Variants in RASSF8 observed in about 807,000 individuals in gnomAD.
RASSF8 encodes ras association domain-containing protein 8.
In RASSF8, 22 loss-of-function variants were observed where a neutral mutation model predicts 48.5. That is an observed-to-expected ratio of 0.45 (90% CI 0.32 to 0.65). RASSF8 has a LOEUF of 0.65. Among genes scored for constraint, RASSF8 ranks in the 30% least tolerant of loss-of-function variants. The pLI, the probability that RASSF8 is intolerant of heterozygous loss-of-function variation, is 0.03. For missense variants in RASSF8, 418 were observed against 489.2 expected, an observed-to-expected ratio of 0.85 and a Z score of 1.37; for synonymous variants, 127 against 171.5, an observed-to-expected ratio of 0.74 and a Z score of 2.03.
Position 26,064,883 on chromosome 12 carries a change from A to T in RASSF8, c.489A>T (p.Ala163=). 1 of 1,614,252 alleles carries T rather than the reference A, an allele frequency of 6.2e-7. No individual in the cohort carries two copies. The highest frequency in any genetic ancestry group is 8.5e-7 in the Non-Finnish European group (1 of 1,180,046). The change falls in exon 4 of 6, where the codon GCA becomes GCT. Residue 163 remains alanine (A), a synonymous_variant. Transcript: ENST00000689635. ...TGCTGAATAACTGCAAAACAACAGC[A>T]GATGAGTTGAAGAAGCTAATCCGTC... ...QKVLNNCKTT[A]DELKKLIRLQ...
At chr12:25,967,313 A>T (rs1461370995) in intron 1 of RASSF8, among the ~76,000 whole-genome samples, 2 of 152,080 alleles carry the variant, frequency 1.3e-5, no homozygotes, top group African/African-American at 4.8e-5. Flanking sequence ...GCTCTCTGTT[A>T]TAATAATAAA....
chr12:26,079,227 G>A, exon 6 of RASSF8: 1 of 513,298 alleles, frequency 1.9e-6, no homozygotes. Context: ...ATCTGGTAAG[G>A]GTTTAATATC....
downstream of RASSF8, among the ~76,000 whole-genome samples, chr12:26,075,184 A>C (rs1283112375): frequency 6.6e-6 from 1 of 152,192 alleles, no homozygotes; most frequent in Non-Finnish European, 1.5e-5. Context: ...CTAAGTAGAC[A>C]ATAAGAATCA....
At chr12:25,977,645 G>C (rs866097309) in intron 1 of RASSF8, among the ~76,000 whole-genome samples, 3 of 150,010 alleles carry the variant, frequency 2.0e-5, no homozygotes, top group Non-Finnish European at 4.4e-5. Context: ...GCCAACTTTA[G>C]TATACAAGTT....
chr12:25,993,544 G>T (rs543833324), intron 1 of RASSF8, among the ~76,000 whole-genome samples: 2 of 152,294 alleles, frequency 1.3e-5, no homozygotes, highest in South Asian at 4.1e-4. Context: ...CCCAAGGATG[G>T]GAATGAGGGT....
At chr12:26,046,945 A>T (rs1330907151) in intron 2 of RASSF8, among the ~76,000 whole-genome samples, 1 of 152,234 alleles carries the variant, frequency 6.6e-6, no homozygotes, top group Admixed American at 6.5e-5. Context: ...AAAGAAAGCC[A>T]TGAAATAGCA....
intron 1 of RASSF8, among the ~76,000 whole-genome samples, chr12:25,975,540 T>C (rs141188282): frequency 1.7e-3 from 254 of 152,324 alleles, no homozygotes; most frequent in Middle Eastern, 0.01. Flanking sequence ...TGTATTGAGA[T>C]TGCTGTGTTT....
At chr12:26,038,522 TCCAAAAAC>T in intron 2 of RASSF8, among the ~76,000 whole-genome samples, 1 of 151,952 alleles carries the variant, frequency 6.6e-6, no homozygotes, top group East Asian at 1.9e-4. Context: ...TTTGAAAAAC[TCCAAAAAC>T]CTTGTATAAC....
chr12:25,997,546 T>G (rs1942161467), intron 2 of RASSF8, among the ~76,000 whole-genome samples: 1 of 152,206 alleles, frequency 6.6e-6, no homozygotes, highest in South Asian at 2.1e-4. Context: ...TGCTTATACC[T>G]GTTTTTACGG....
At chr12:26,024,418 C>A (rs1942858410) in intron 2 of RASSF8, among the ~76,000 whole-genome samples, 1 of 152,186 alleles carries the variant, frequency 6.6e-6, no homozygotes, top group Admixed American at 6.5e-5. Flanking sequence ...AATACCAATT[C>A]TTCATGAACT....
At chr12:26,067,844 C>A in intron 5 of RASSF8, 131 bp downstream of exon 5, 2 of 1,185,466 alleles carry the variant, frequency 1.7e-6, no homozygotes, top group Non-Finnish European at 1.2e-6. Flanking sequence ...CGGCTTACTG[C>A]AGCCTCGACC....
Position 25,965,469 on chromosome 12 carries a change from A to G in RASSF8, c.-203+6321A>G, listed in dbSNP as rs148805473. 3.5e-3 allele frequency among the ~76,000 whole-genome samples: 533 copies of G among 150,814 alleles called. 3 individuals carry two copies. Among genetic ancestry groups the G allele is most frequent in the African/African-American group, 0.012 (504 of 41,058 alleles). ...AACCACTGCCTCCTAGGTTCAGTCAATTCTGCCTCAGCTTCCCGAGTAGCT... is the reference window on the plus strand; with the variant it reads ...AACCACTGCCTCCTAGGTTCAGTCAGTTCTGCCTCAGCTTCCCGAGTAGCT... On this transcript the variant is annotated intron_variant, in intron 1 of 5. Coordinates refer to ENST00000689635, the MANE Select transcript of RASSF8 (RefSeq NM_001394098.1).
chr12:26,037,939 G>A (rs901005538), intron 2 of RASSF8, among the ~76,000 whole-genome samples: 3 of 152,204 alleles, frequency 2.0e-5, no homozygotes, highest in African/African-American at 7.2e-5. Flanking sequence ...GAGAAAAGCA[G>A]GTATGTATTA....
At chr12:25,976,906 C>T (rs140636376) in intron 1 of RASSF8, among the ~76,000 whole-genome samples, 193 of 152,224 alleles carry the variant, frequency 1.3e-3, no homozygotes, top group African/African-American at 4.4e-3. Context: ...TGGTTTTGCA[C>T]GAAAGTTGTG....
chr12:25,960,762 C>A (rs11610085), intron 1 of RASSF8, among the ~76,000 whole-genome samples: 12,995 of 152,110 alleles, frequency 0.085, 610 homozygotes, highest in Middle Eastern at 0.14. Context: ...TTGATCAAAT[C>A]TTATGTCTGG....
chr12:26,008,070 G>T (rs899804598), intron 2 of RASSF8, among the ~76,000 whole-genome samples: 1 of 152,070 alleles, frequency 6.6e-6, no homozygotes, highest in African/African-American at 2.4e-5. Flanking sequence ...TCAGGAGACC[G>T]AGACCATCCT....
intron 2 of RASSF8, among the ~76,000 whole-genome samples, chr12:26,012,443 C>T (rs1416763451): frequency 1.3e-5 from 2 of 152,050 alleles, no homozygotes; most frequent in Non-Finnish European, 2.9e-5. Context: ...CATTATTTAG[C>T]CTTTTTTCAG....
At chr12:26,033,815 CA>C (rs1297876840) in intron 2 of RASSF8, among the ~76,000 whole-genome samples, 1 of 152,100 alleles carries the variant, frequency 6.6e-6, no homozygotes, top group Non-Finnish European at 1.5e-5. Context: ...AATCAGCCTC[CA>C]CTCAGATCTC....
At chr12:26,024,699 G>A (rs1318878778) in intron 2 of RASSF8, among the ~76,000 whole-genome samples, 4 of 152,218 alleles carry the variant, frequency 2.6e-5, no homozygotes, top group East Asian at 3.9e-4. Context: ...GCTCACGCCC[G>A]TAATACCAGC....
Sources: allele counts gnomAD v4.1 joint callset (sites outside exome capture counted in the v4.1 genomes callset), GRCh38; gene constraint gnomAD v4.1.1; transcripts MANE v1.5; gene names NCBI Gene and HGNC (gene_info 2026-07-23, HGNC 2026-07-21).